CHSY3: variants seen among roughly 807,000 people sequenced by gnomAD.
The protein encoded by CHSY3 is N-acetylgalactosaminyl-proteoglycan 3-beta-glucuronosyltransferase 3.
In CHSY3, 35 loss-of-function variants were observed where a neutral mutation model predicts 67.2. The ratio of observed to expected loss-of-function variants is 0.52; its 90% CI spans 0.40 to 0.69. CHSY3 has a LOEUF of 0.69. Ranked by LOEUF, CHSY3 falls within the 30% of genes least tolerant of loss-of-function variation. The pLI, the probability that CHSY3 is intolerant of heterozygous loss-of-function variation, is 0.00. For missense variants in CHSY3, 1,069 were observed against 1,138.5 expected (o/e 0.94, Z 0.88); for synonymous variants, 474 against 434.7 (o/e 1.09, Z -1.12).
chr5:130,051,439 T>A (rs375482096), intron 2 of CHSY3, among the ~76,000 whole-genome samples: 4 of 152,130 alleles, frequency 2.6e-5, no homozygotes, highest in East Asian at 1.9e-4. Flanking sequence ...AAAACATGTT[T>A]TTTAGACACA....
chr5:129,928,689 G>T (rs1330741422), intron 2 of CHSY3, among the ~76,000 whole-genome samples: 1 of 152,016 alleles, frequency 6.6e-6, no homozygotes, highest in Middle Eastern at 3.2e-3. Flanking sequence ...ATTTTATTAT[G>T]CTGCTGATGA....
intron 2 of CHSY3, among the ~76,000 whole-genome samples, chr5:130,006,823 A>G (rs917750167): frequency 6.6e-6 from 1 of 152,234 alleles, no homozygotes; most frequent in Non-Finnish European, 1.5e-5. Context: ...ATCTAATCCC[A>G]TATAGATACA....
At chr5:130,017,062 A>G (rs1764238009) in intron 2 of CHSY3, among the ~76,000 whole-genome samples, 2 of 152,200 alleles carry the variant, frequency 1.3e-5, no homozygotes, top group Non-Finnish European at 2.9e-5. Flanking sequence ...GAAGAATGCA[A>G]AGCCGTGGGA....
At chr5:130,078,864 C>T (rs1242634475) in intron 2 of CHSY3, among the ~76,000 whole-genome samples, 1 of 152,138 alleles carries the variant, frequency 6.6e-6, no homozygotes, top group South Asian at 2.1e-4. Context: ...CTGTGAACAG[C>T]AGTGGAGAAT....
chr5:130,105,969 T>TA (rs1767402776), intron 2 of CHSY3, among the ~76,000 whole-genome samples: 1 of 151,548 alleles, frequency 6.6e-6, no homozygotes, highest in Admixed American at 6.6e-5. Context: ...GTTCTTTTTT[T>TA]AAAAAAATTC....
chr5:130,057,282 A>G (rs1765566113), intron 2 of CHSY3, among the ~76,000 whole-genome samples: 1 of 152,058 alleles, frequency 6.6e-6, no homozygotes, highest in African/African-American at 2.4e-5. Context: ...AGCTTAAGTT[A>G]TTGGACTATA....
At chr5:130,029,766 T>C (rs1473955778) in intron 2 of CHSY3, among the ~76,000 whole-genome samples, 1 of 152,072 alleles carries the variant, frequency 6.6e-6, no homozygotes, top group East Asian at 1.9e-4. Flanking sequence ...AACATAGCCA[T>C]TAGAGAGAAA....
chr5:130,063,454 T>A (rs1765775278), intron 2 of CHSY3, among the ~76,000 whole-genome samples: 2 of 152,146 alleles, frequency 1.3e-5, no homozygotes, highest in African/African-American at 4.8e-5. Flanking sequence ...CAGATATATA[T>A]TTGTGTCATA....
At chr5:129,923,224 T>A (rs1476733066) in intron 2 of CHSY3, among the ~76,000 whole-genome samples, 1 of 976 alleles carries the variant, frequency 1.0e-3, no homozygotes, top group Non-Finnish European at 1.9e-3. Flanking sequence ...TTTAAGATGA[T>A]GCCTAGGTTT....
intron 2 of CHSY3, chr5:130,141,900 A>C (rs1489553371): frequency 4.2e-6 from 1 of 240,602 alleles, no homozygotes; most frequent in Non-Finnish European, 8.3e-6. Flanking sequence ...CTGATGGTGG[A>C]GCTCCCTCTG....
At chr5:129,997,650 C>T (rs1479017926) in intron 2 of CHSY3, among the ~76,000 whole-genome samples, 1 of 152,048 alleles carries the variant, frequency 6.6e-6, no homozygotes, top group Non-Finnish European at 1.5e-5. Context: ...AATGCTATCC[C>T]TCCCTCAGCC....
At chr5:130,010,399 A>G (rs1764021688) in intron 2 of CHSY3, among the ~76,000 whole-genome samples, 1 of 152,204 alleles carries the variant, frequency 6.6e-6, no homozygotes, top group Non-Finnish European at 1.5e-5. Context: ...CAAACATGAC[A>G]TTAAGGCATA....
chr5:129,976,372 A>C (rs1001264747), intron 2 of CHSY3, among the ~76,000 whole-genome samples: 7 of 152,170 alleles, frequency 4.6e-5, no homozygotes, highest in Non-Finnish European at 8.8e-5. Context: ...AGCTAAGTTA[A>C]AAAGAAACCA....
chr5:130,064,329 A>C (rs933172997), intron 2 of CHSY3, among the ~76,000 whole-genome samples: 1 of 152,144 alleles, frequency 6.6e-6, no homozygotes, highest in African/African-American at 2.4e-5. Flanking sequence ...TATAAGGTCC[A>C]TTTTACACGG....
intron 2 of CHSY3, among the ~76,000 whole-genome samples, chr5:130,055,701 A>T (rs979715164): frequency 3.9e-5 from 6 of 151,904 alleles, no homozygotes; most frequent in Non-Finnish European, 7.4e-5. Context: ...CAGCAGCAGC[A>T]GCTGCTGCTG....
At chr5:129,932,854 C>A (rs1385138276) in intron 2 of CHSY3, among the ~76,000 whole-genome samples, 1 of 151,930 alleles carries the variant, frequency 6.6e-6, no homozygotes, top group Non-Finnish European at 1.5e-5. Context: ...AATAAGATTA[C>A]TCTTGCTCAA....
At chr5:130,178,253 A>ATATATATATATTTTTTTTTTTT (rs1205782386) in intron 2 of CHSY3, among the ~76,000 whole-genome samples, 1 of 45,912 alleles carries the variant, frequency 2.2e-5, no homozygotes, top group African/African-American at 1.0e-4. Flanking sequence ...ATATATATAT[A>ATATATATATATTTTTTTTTTTT]TTTTTTTTTT....
At chr5:130,104,749 G>A (rs746566543) in intron 2 of CHSY3, among the ~76,000 whole-genome samples, 14 of 151,866 alleles carry the variant, frequency 9.2e-5, no homozygotes, top group Non-Finnish European at 8.8e-5. Flanking sequence ...TAACAAAAAA[G>A]TATAAGTGCA....
intron 2 of CHSY3, among the ~76,000 whole-genome samples, chr5:129,997,905 A>G (rs955433048): frequency 2.0e-5 from 3 of 152,164 alleles, no homozygotes; most frequent in African/African-American, 4.8e-5. Flanking sequence ...AATCCAGTCT[A>G]TCGTTGATGG....
Sources: gnomAD v4.1 joint callset for allele counts (sites outside exome capture counted in the v4.1 genomes callset) on GRCh38, gnomAD v4.1.1 for gene constraint, MANE v1.5 for transcripts, NCBI Gene and HGNC (gene_info 2026-07-23, HGNC 2026-07-21) for gene names.